Variants in TSKS observed in about 807,000 individuals in gnomAD.
TSKS encodes testis specific serine kinase substrate.
In TSKS, 27 loss-of-function variants were observed where a neutral mutation model predicts 68.0. That is an observed-to-expected ratio of 0.40 (90% CI 0.29 to 0.55). The LOEUF (loss-of-function observed/expected upper bound fraction) is 0.55, where lower values mean the gene tolerates loss of function less well. Ranked by LOEUF, TSKS falls within the 20% of genes least tolerant of loss-of-function variation. TSKS has a pLI of 0.53. For missense variants in TSKS, 806 were observed against 776.0 expected, an observed-to-expected ratio of 1.04 and a Z score of -0.46; for synonymous variants, 331 against 340.4, an observed-to-expected ratio of 0.97 and a Z score of 0.30.
At chr19:49,751,975 G>A (rs2084354688) in intron 2 of TSKS, among the ~76,000 whole-genome samples, 1 of 151,728 alleles carries the variant, frequency 6.6e-6, no homozygotes, top group African/African-American at 2.4e-5. Flanking sequence ...TCAGGAGGCT[G>A]AGGTTGAAGA....
In TSKS at chr19:49,762,061, G is replaced by A. The variant is rs751857258; in HGVS notation, c.342C>T (p.Pro114=). ...DLSGQLTLAG[P]PASPTLPWDP... Reference sequence around the variant, plus strand: ...CCCAGGGTAGGGTAGGGGAGGCAGGGGGCCCAGCCAGTGTGAGTTGGCCGC... The same window carrying A: ...CCCAGGGTAGGGTAGGGGAGGCAGGAGGCCCAGCCAGTGTGAGTTGGCCGC... Residue 114 remains proline (P), a synonymous_variant, in exon 2 of 11, where the codon CCC becomes CCT. Coordinates refer to ENST00000246801, the MANE Select transcript of TSKS (RefSeq NM_021733.2). The A allele has an allele frequency of 9.9e-6, 16 of 1,614,024 alleles. No homozygotes were observed. Among genetic ancestry groups the A allele is most frequent in the Middle Eastern group, 1.6e-4 (1 of 6,070 alleles).
intron 2 of TSKS, among the ~76,000 whole-genome samples, chr19:49,756,392 G>A (rs1398197632): frequency 3.9e-5 from 6 of 152,090 alleles, no homozygotes; most frequent in Non-Finnish European, 5.9e-5. Context: ...CCAGGAGGTT[G>A]AGGCTGCAGT....
At chr19:49,759,058 T>C (rs1445727861) in intron 2 of TSKS, among the ~76,000 whole-genome samples, 2 of 151,982 alleles carry the variant, frequency 1.3e-5, no homozygotes, top group South Asian at 4.1e-4. Context: ...GGTTTCTCCA[T>C]GTTGATCAGC....
chr19:49,761,966 C>T (rs1568568191), intron 2 of TSKS, 38 bp downstream of exon 2: 10 of 1,557,780 alleles, frequency 6.4e-6, no homozygotes, highest in Non-Finnish European at 7.0e-6. Flanking sequence ...TGTGGAGGAC[C>T]TCGGTCCTCC....
chr19:49,740,174 G>C lies in TSKS; in HGVS notation c.1507C>G (p.Arg503Gly), dbSNP rs368573101. The C allele has an allele frequency of 3.1e-6, 5 of 1,612,474 alleles. No individual in the cohort carries two copies. In the Middle Eastern group the frequency reaches 8.3e-4, roughly 266 times the overall value. ...CTGACGTGTTTGGCTAAGGCCTGGC[G>C]CTCCAGCTCCTGGGGAGAGGAGCGT... ...RLHKKILELERQALAKHVRAE... is the reference protein window; with the variant it reads ...RLHKKILELEGQALAKHVRAE... Residue 503 changes from arginine (R) to glycine (G), a missense_variant, in exon 10 of 11, where the codon CGC (arginine) becomes GGC (glycine). By Grantham distance (125) the Arg-to-Gly change is moderately radical (BLOSUM62 -2). Coordinates refer to ENST00000246801, the MANE Select transcript of TSKS (RefSeq NM_021733.2).
rs760112063 is a variant in TSKS, at chr19:49,748,166, G to A, written c.498C>T (p.Ser166=). 1.7e-5 allele frequency: 28 copies of A among 1,614,022 alleles called. No individual in the cohort carries two copies. The highest frequency in any genetic ancestry group is 2.2e-5 in the East Asian group (1 of 44,898). Residue 166 remains serine (S), a splice_region_variant and synonymous_variant, in exon 4 of 11, where the codon AGC becomes AGT. Coordinates refer to ENST00000246801, the MANE Select transcript of TSKS (RefSeq NM_021733.2). ...GATTCTCGCTCAGCACAGAACACTCGCTCTGGAGCATGGAAGGAGGAGAGG... is the reference window on the plus strand; with the variant it reads ...GATTCTCGCTCAGCACAGAACACTCACTCTGGAGCATGGAAGGAGGAGAGG... ...RVNQHVQSLQ[S]ECSVLSENLE... is the part of the protein sequence containing the mutation.
intron 2 of TSKS, among the ~76,000 whole-genome samples, chr19:49,750,756 G>A (rs1206350293): frequency 6.6e-6 from 1 of 152,192 alleles, no homozygotes; most frequent in African/African-American, 2.4e-5. Context: ...AGAAATGGCT[G>A]AGCAACCAGA....
At chr19:49,762,264 A>G (rs1189557304) in intron 1 of TSKS, 32 bp from the exon 2 acceptor site, 7 of 1,582,548 alleles carry the variant, frequency 4.4e-6, no homozygotes, top group African/African-American at 1.3e-5. Context: ...AAAAGTGGAG[A>G]AGCAGCCCCA....
At chr19:49,759,570 A>G (rs945210791) in intron 2 of TSKS, among the ~76,000 whole-genome samples, 13 of 150,524 alleles carry the variant, frequency 8.6e-5, no homozygotes, top group African/African-American at 2.7e-4. Flanking sequence ...GGGGAGGCCA[A>G]GGCTACAGTG....
chr19:49,744,481 C>A, intron 7 of TSKS, 77 bp from the exon 8 acceptor site: 1 of 1,480,650 alleles, frequency 6.8e-7, no homozygotes. Context: ...CCATTATTAG[C>A]CCACCACTTG....
Position 49,748,119 on chromosome 19 carries a change from G to A in TSKS, c.545C>T (p.Ala182Val), listed in dbSNP as rs752691704. 8.1e-6 allele frequency: 13 copies of A among 1,614,126 alleles called. No individual in the cohort carries two copies. The highest frequency in any genetic ancestry group is 1.1e-5 in the Non-Finnish European group (13 of 1,180,034). The change falls in exon 4 of 11, where the codon GCA (alanine) becomes GTA (valine). Residue 182 changes from alanine (A) to valine (V), a missense_variant. Ala to Val is a moderately conservative substitution (Grantham distance 64, BLOSUM62 0). Transcript: ENST00000246801. Reference sequence around the variant, plus strand: ...AATGCAGTACCCCTCCAACTCTTCTGCCTCTTGCCGCCTTCTCTCCAGATT... The same window carrying A: ...AATGCAGTACCCCTCCAACTCTTCTACCTCTTGCCGCCTTCTCTCCAGATT... Reference protein sequence around the residue: ...SENLERRRQEAEELEGYCIQL... With the variant: ...SENLERRRQEVEELEGYCIQL...
chr19:49,759,700 TGGTGTACAC>T (rs2084424645), intron 2 of TSKS, among the ~76,000 whole-genome samples: 1 of 148,798 alleles, frequency 6.7e-6, no homozygotes, highest in Non-Finnish European at 1.5e-5. Context: ...CTGGGCACGG[TGGTGTACAC>T]CTGCAGTCCC....
intron 2 of TSKS, among the ~76,000 whole-genome samples, chr19:49,748,926 G>C (rs1434848153): frequency 6.6e-6 from 1 of 152,106 alleles, no homozygotes; most frequent in Non-Finnish European, 1.5e-5. Context: ...AATTAGCTAG[G>C]CGTGGTGGTG....
chr19:49,747,373 G>GC lies in TSKS; in HGVS notation c.663+15dup, dbSNP rs2084311977. ...ACCTCCTCCCACAAATCCTGGGACTGCCCCCTAGCCCTTACCTCCAGCAGG... is the reference window on the plus strand; with the variant it reads ...ACCTCCTCCCACAAATCCTGGGACTGCCCCCCTAGCCCTTACCTCCAGCAGG... On this transcript the variant is annotated intron_variant, in intron 5 of 10. Transcript: ENST00000246801. 6.2e-7 allele frequency: 1 copy of GC among 1,613,978 alleles called. No individual in the cohort carries two copies. Among genetic ancestry groups the GC allele is most frequent in the African/African-American group, 1.3e-5 (1 of 74,926 alleles).
intron 1 of TSKS, 58 bp from the exon 2 acceptor site, chr19:49,762,290 C>A: frequency 7.1e-7 from 1 of 1,413,612 alleles, no homozygotes; most frequent in Non-Finnish European, 9.8e-7. Context: ...TCTGGGCCCT[C>A]CTGCCTTCCT....
At position 49,742,004 on chromosome 19, in the gene TSKS, A is replaced by G. The variant is rs752992818; in HGVS notation, c.1378T>C (p.Ser460Pro). ...AGCAGCTGCTGCAGGGACTCCGTAG[A>G]CAACTGCGACCCCTGGCTGGGGGAG... ...ARCASQGSQL[S>P]TESLQQLLDR... Residue 460 changes from serine to proline, a missense_variant, in exon 9 of 11, where the codon TCT becomes CCT. Ser to Pro is a moderately conservative substitution (Grantham distance 74). Coordinates refer to ENST00000246801, the MANE Select transcript of TSKS (RefSeq NM_021733.2). 1.9e-6 allele frequency: 3 copies of G among 1,614,088 alleles called. No individual in the cohort carries two copies. Among genetic ancestry groups the G allele is most frequent in the East Asian group, 2.2e-5 (1 of 44,882 alleles).
At chr19:49,745,600 C>G (rs757532278) in intron 6 of TSKS, among the ~76,000 whole-genome samples, 3 of 152,070 alleles carry the variant, frequency 2.0e-5, no homozygotes, top group Non-Finnish European at 2.9e-5. Flanking sequence ...CGCCTTTATC[C>G]CCTTCCTTTA....
chr19:49,740,021 T>A, intron 10 of TSKS, 38 bp downstream of exon 10: 1 of 1,613,584 alleles, frequency 6.2e-7, no homozygotes, highest in Middle Eastern at 1.7e-4. Flanking sequence ...TTCCCCAAGA[T>A]CTCACCCTCC....
chr19:49,753,101 C>G (rs771899920), intron 2 of TSKS, among the ~76,000 whole-genome samples: 1 of 152,190 alleles, frequency 6.6e-6, no homozygotes, highest in East Asian at 1.9e-4. Context: ...ACAGATATTA[C>G]AGAAATAGTT....
Sources: gnomAD v4.1 joint callset for allele counts (sites outside exome capture counted in the v4.1 genomes callset) on GRCh38, gnomAD v4.1.1 for gene constraint, MANE v1.5 for transcripts, NCBI Gene and HGNC (gene_info 2026-07-23, HGNC 2026-07-21) for gene names.